CEMIP2: variants seen among roughly 807,000 people sequenced by gnomAD.
CEMIP2 encodes the protein cell migration inducing hyaluronidase 2.
CEMIP2 carries 79 observed loss-of-function variants against 146.9 expected under a neutral mutation model. The ratio of observed to expected loss-of-function variants is 0.54; its 90% CI spans 0.45 to 0.65. The LOEUF (loss-of-function observed/expected upper bound fraction) is 0.65, where lower values mean the gene tolerates loss of function less well. Ranked by LOEUF, CEMIP2 falls within the 30% of genes least tolerant of loss-of-function variation. The pLI is 0.00. For synonymous variants in CEMIP2, 601 were observed against 606.3 expected (o/e 0.99, Z 0.13); for missense variants, 1,596 against 1,696.2 (o/e 0.94, Z 1.04).
upstream of CEMIP2, among the ~76,000 whole-genome samples, chr9:71,769,132 C>T (rs554975738): frequency 2.8e-4 from 43 of 152,268 alleles, no homozygotes; most frequent in South Asian, 8.9e-3. Context: ...GGCTCCTACC[C>T]TTCCTGGGCG....
intron 8 of CEMIP2, 105 bp from the exon 9 acceptor site, chr9:71,730,358 G>T: frequency 8.6e-7 from 1 of 1,161,660 alleles, no homozygotes; most frequent in Non-Finnish European, 1.2e-6. Context: ...GGAAAAACAG[G>T]TTTGAACCTT....
intron 1 of CEMIP2, among the ~76,000 whole-genome samples, chr9:71,751,668 T>G (rs1824258893): frequency 2.0e-5 from 3 of 152,146 alleles, no homozygotes. Flanking sequence ...ATTTTACATT[T>G]TAAAAAAATA....
At chr9:71,730,343 C>T in intron 8 of CEMIP2, 90 bp from the exon 9 acceptor site, 1 of 1,325,586 alleles carries the variant, frequency 7.5e-7, no homozygotes, top group Non-Finnish European at 1.0e-6. Context: ...ATGTTCAGTA[C>T]AAGTGGAAAA....
chr9:71,714,308 T>A (rs895744586), intron 15 of CEMIP2, among the ~76,000 whole-genome samples: 2 of 152,220 alleles, frequency 1.3e-5, no homozygotes, highest in Non-Finnish European at 2.9e-5. Context: ...ATATGAATTA[T>A]TAGTTAATAG....
chr9:71,693,439 G>C (rs976082905), intron 21 of CEMIP2, among the ~76,000 whole-genome samples: 1 of 152,164 alleles, frequency 6.6e-6, no homozygotes, highest in Non-Finnish European at 1.5e-5. Flanking sequence ...ACTTAGAAAA[G>C]ACAACTAACA....
At chr9:71,708,119 G>A (rs1418591908) in intron 17 of CEMIP2, among the ~76,000 whole-genome samples, 1 of 152,158 alleles carries the variant, frequency 6.6e-6, no homozygotes, top group Non-Finnish European at 1.5e-5. Flanking sequence ...CCAGGAGGCG[G>A]AGCTTGCAGT....
Position 71,684,962 on chromosome 9 carries a change from T to G in CEMIP2, c.*235A>C, listed in dbSNP as rs1181890379. On this transcript the variant is annotated 3_prime_UTR_variant, in exon 24 of 24. Coordinates refer to ENST00000377044, the MANE Select transcript of CEMIP2 (RefSeq NM_013390.3). ...GGTGGAAAGTGAGGAATAAGAGATC[T>G]GCTCTCTGAATACACCAGCCTTACA... The G allele has an allele frequency of 2.3e-6, 1 of 443,380 alleles. No individual in the cohort carries two copies. Among genetic ancestry groups the G allele is most frequent in the African/African-American group, 2.0e-5 (1 of 49,690 alleles). 27.5% of individuals were successfully genotyped at this position (443,380 alleles called of 1,614,324 possible). A position where few individuals can be genotyped will look rare whatever the true frequency, so the allele number is the denominator to read the frequency against.
chr9:71,714,650 A>G (rs757612650), intron 15 of CEMIP2, among the ~76,000 whole-genome samples: 3 of 152,236 alleles, frequency 2.0e-5, no homozygotes, highest in African/African-American at 7.2e-5. Context: ...AAGGTCTTAT[A>G]CAAGGAATGA....
At position 71,750,194 on chromosome 9, in the gene CEMIP2, G is replaced by A. The variant is rs1000520744; in HGVS notation, c.180C>T (p.Phe60=). The A allele has an allele frequency of 1.3e-5, 21 of 1,613,926 alleles. No homozygotes were observed. Among genetic ancestry groups the A allele is most frequent in the African/African-American group, 4.0e-5 (3 of 74,862 alleles). Residue 60 remains phenylalanine, a synonymous_variant, in exon 2 of 24, where the codon TTC becomes TTT. Transcript: ENST00000377044. ...TSIRREDRAT[F]AFSPEEQQAQ... ...CTTGCTGTTCTTCAGGTGAGAATGCGAAGGTTGCCCGGTCTTCTCGTCTGA... is the reference window on the plus strand; with the variant it reads ...CTTGCTGTTCTTCAGGTGAGAATGCAAAGGTTGCCCGGTCTTCTCGTCTGA...
intron 17 of CEMIP2, among the ~76,000 whole-genome samples, chr9:71,706,985 C>T (rs368661996): frequency 7.2e-5 from 11 of 152,100 alleles, no homozygotes; most frequent in African/African-American, 1.9e-4. Context: ...CCCACCACCA[C>T]GCCTGGCTAA....
At chr9:71,718,231 A>C in intron 12 of CEMIP2, 152 bp from the exon 13 acceptor site, 1 of 726,916 alleles carries the variant, frequency 1.4e-6, no homozygotes, top group Non-Finnish European at 2.0e-6. Flanking sequence ...TTAAACATTC[A>C]AAGAAGAAAT....
At chr9:71,736,263 A>C (rs935587006) in intron 5 of CEMIP2, among the ~76,000 whole-genome samples, 2 of 152,170 alleles carry the variant, frequency 1.3e-5, no homozygotes, top group Non-Finnish European at 2.9e-5. Flanking sequence ...CCTTGTTGGA[A>C]GCAACCTCTC....
At chr9:71,765,383 A>C (rs1824760423) in intron 1 of CEMIP2, among the ~76,000 whole-genome samples, 1 of 152,224 alleles carries the variant, frequency 6.6e-6, no homozygotes, top group Non-Finnish European at 1.5e-5. Context: ...ACTTACTCAA[A>C]TTGAATCCCC....
chr9:71,698,639 C>T (rs1341601244), intron 19 of CEMIP2, among the ~76,000 whole-genome samples: 1 of 152,210 alleles, frequency 6.6e-6, no homozygotes, highest in Non-Finnish European at 1.5e-5. Context: ...ATAATAAAAA[C>T]AGGAACTGTG....
chr9:71,713,136 C>T (rs992332184), intron 15 of CEMIP2, among the ~76,000 whole-genome samples: 3 of 152,132 alleles, frequency 2.0e-5, no homozygotes, highest in African/African-American at 4.8e-5. Context: ...GGCTCTGTGT[C>T]CCCACCCAAA....
At position 71,728,243 on chromosome 9, in the gene CEMIP2, ATATATATGTATATACACG is replaced by A. The variant is rs1564012176; in HGVS notation, c.2049+1584_2049+1601del. Among the ~76,000 whole-genome samples the A allele has an allele frequency of 7.9e-4, 39 of 49,190 alleles. 8 individuals are homozygous for A. The highest frequency in any genetic ancestry group is 1.3e-3 in the Non-Finnish European group (29 of 22,856). 32.3% of individuals were successfully genotyped at this position (49,190 alleles called of 152,430 possible). A position where few individuals can be genotyped will look rare whatever the true frequency, so the allele number is the denominator to read the frequency against. ...TCTCTCTCTCTCTCTATATATATAT[ATATATATGTATATACACG>A]TATATATATATATATATATGTATAT... On this transcript the variant is annotated intron_variant, in intron 10 of 23. Transcript: ENST00000377044.
At chr9:71,732,638 T>G (rs1823652224) in intron 6 of CEMIP2, 118 bp from the exon 7 acceptor site, 1 of 836,472 alleles carries the variant, frequency 1.2e-6, no homozygotes, top group Non-Finnish European at 1.6e-6. Flanking sequence ...ACTTATCATC[T>G]GCTCCCATTC....
chr9:71,710,549 C>G (rs1257895801), intron 16 of CEMIP2, among the ~76,000 whole-genome samples: 1 of 152,176 alleles, frequency 6.6e-6, no homozygotes, highest in Non-Finnish European at 1.5e-5. Flanking sequence ...GCATCCCCAC[C>G]ATAGAAAACT....
chr9:71,712,272 C>G lies in CEMIP2; in HGVS notation c.2592-12G>C, dbSNP rs1053065361. 4 of 1,612,800 alleles carry G rather than the reference C, an allele frequency of 2.5e-6. No homozygotes were observed. In the Admixed American group the frequency reaches 5.0e-5, roughly 20 times the overall value. On this transcript the variant is annotated splice_polypyrimidine_tract_variant and intron_variant, in intron 15 of 23. Coordinates refer to ENST00000377044, the MANE Select transcript of CEMIP2 (RefSeq NM_013390.3). Reference sequence around the variant, plus strand: ...TAATTGGGAACGTCCTGTGGAAATACAAGATTTTGTTTAATGCATATGGGC... The same window carrying G: ...TAATTGGGAACGTCCTGTGGAAATAGAAGATTTTGTTTAATGCATATGGGC...
Sources: gnomAD v4.1 joint callset for allele counts (sites outside exome capture counted in the v4.1 genomes callset) on GRCh38, gnomAD v4.1.1 for gene constraint, MANE v1.5 for transcripts, NCBI Gene and HGNC (gene_info 2026-07-23, HGNC 2026-07-21) for gene names.